BAIAP2: variants seen among roughly 807,000 people sequenced by gnomAD.
The protein encoded by BAIAP2 is BAR/IMD domain containing adaptor protein 2, also known as BAR/IMD domain-containing adapter protein 2.
BAIAP2 carries 18 observed loss-of-function variants against 63.0 expected under a neutral mutation model. The observed-to-expected ratio is 0.29, with a 90% CI of 0.20 to 0.42. BAIAP2 has a LOEUF of 0.42. Ranked by LOEUF, BAIAP2 falls within the 10% of genes least tolerant of loss-of-function variation. BAIAP2 has a pLI of 1.00. For synonymous variants in BAIAP2, 386 were observed against 307.6 expected, an observed-to-expected ratio of 1.25 and a Z score of -2.67; for missense variants, 610 against 734.3, an observed-to-expected ratio of 0.83 and a Z score of 1.96.
intron 4 of BAIAP2, 174 bp from the exon 5 acceptor site, chr17:81,085,478 CCA>C (rs1568137700): frequency 1.4e-6 from 1 of 702,644 alleles, no homozygotes; most frequent in Non-Finnish European, 2.6e-6. Context: ...GCTCCTGGCT[CCA>C]GAGGGTGCAC....
chr17:81,036,852 T>G, intron 1 of BAIAP2: 1 of 1,534,140 alleles, frequency 6.5e-7, no homozygotes, highest in South Asian at 1.2e-5. Context: ...ACGACTTGTT[T>G]GTGATTGCAG....
chr17:81,097,505 C>T (rs766926897), intron 6 of BAIAP2: 4 of 152,328 alleles, frequency 2.6e-5, no homozygotes, highest in African/African-American at 7.2e-5. Flanking sequence ...TGCCCACCCA[C>T]GCTGAGTCAG....
chr17:81,102,505 A>G (rs376932664), intron 7 of BAIAP2, among the ~76,000 whole-genome samples: 2 of 152,230 alleles, frequency 1.3e-5, no homozygotes, highest in East Asian at 3.8e-4. Flanking sequence ...GAGGGCAGCC[A>G]TGAATGAATG....
In BAIAP2 at chr17:81,079,297, C is replaced by T. The variant is rs58686086; in HGVS notation, c.218-5535C>T. ...TGGGCTCCCTGGTCACAGGCAGTCC[C>T]GTGGAGCGGGTTTCACTCTTAGCCT... On this transcript the variant is annotated intron_variant, in intron 3 of 13. Coordinates refer to ENST00000428708, the MANE Select transcript of BAIAP2 (RefSeq NM_001144888.2). Among the ~76,000 whole-genome samples the T allele has an allele frequency of 2.0e-3, 312 of 152,290 alleles. 1 individual carries two copies. The highest frequency in any genetic ancestry group is 7.0e-3 in the African/African-American group (292 of 41,558).
At chr17:81,053,593 C>T (rs1488541483) in intron 1 of BAIAP2, 75 bp from the exon 2 acceptor site, 3 of 1,541,304 alleles carry the variant, frequency 1.9e-6, no homozygotes, top group East Asian at 2.3e-5. Flanking sequence ...GGGTTTTCTC[C>T]TCTGTGTTCG....
At chr17:81,101,211 C>T (rs534102070) in intron 7 of BAIAP2, among the ~76,000 whole-genome samples, 5 of 152,274 alleles carry the variant, frequency 3.3e-5, no homozygotes, top group East Asian at 3.9e-4. Context: ...CCCTGGGATC[C>T]GCCATGTCCC....
At chr17:81,085,379 A>G (rs1364301408) in intron 4 of BAIAP2, 2 of 615,602 alleles carry the variant, frequency 3.2e-6, no homozygotes, top group Admixed American at 2.3e-5. Flanking sequence ...AGCATGGGAC[A>G]GCAGAGGAAG....
intron 3 of BAIAP2, among the ~76,000 whole-genome samples, chr17:81,071,542 C>A (rs1490609308): frequency 1.3e-5 from 2 of 152,230 alleles, no homozygotes; most frequent in East Asian, 3.8e-4. Flanking sequence ...CCCTCTTCCA[C>A]CAGCAGAGAA....
At chr17:81,070,150 G>C (rs916556929) in intron 3 of BAIAP2, among the ~76,000 whole-genome samples, 2 of 152,192 alleles carry the variant, frequency 1.3e-5, no homozygotes, top group African/African-American at 4.8e-5. Flanking sequence ...GTAGAGACAA[G>C]AGCTTGCTTT....
At chr17:81,099,659 A>C (rs1233550960) in intron 6 of BAIAP2, among the ~76,000 whole-genome samples, 1 of 152,072 alleles carries the variant, frequency 6.6e-6, no homozygotes, top group Non-Finnish European at 1.5e-5. Flanking sequence ...CTCCTGCTGG[A>C]GGCAGGACCC....
At position 81,098,711 on chromosome 17, in the gene BAIAP2, C is replaced by T. The variant is rs776939358; in HGVS notation, c.490-1217C>T. Among the ~76,000 whole-genome samples, 120 of 152,336 alleles carry T rather than the reference C, an allele frequency of 7.9e-4. 1 individual carries two copies. The highest frequency in any genetic ancestry group is 3.4e-3 in the Middle Eastern group (1 of 294). ...AGCTTCTGTCGTCTTTGCTGGAACC[C>T]TTTCTGGGCCGACTGTGTGTCCACC... On this transcript the variant is annotated intron_variant, in intron 6 of 13. Transcript: ENST00000428708.
intron 1 of BAIAP2, among the ~76,000 whole-genome samples, chr17:81,047,594 C>CA (rs2048008857): frequency 6.7e-6 from 1 of 150,202 alleles, no homozygotes; most frequent in African/African-American, 2.5e-5. Context: ...ACAGCACACA[C>CA]GGGTCCACGT....
At chr17:81,089,828 C>T (rs2056403974) in intron 6 of BAIAP2, among the ~76,000 whole-genome samples, 1 of 152,178 alleles carries the variant, frequency 6.6e-6, no homozygotes. Context: ...AGGCAGGGCC[C>T]CGAAGCGCAT....
At chr17:81,043,692 C>A (rs56068957) in intron 1 of BAIAP2, among the ~76,000 whole-genome samples, 66,932 of 152,044 alleles carry the variant, frequency 0.44, 15,808 homozygotes, top group Non-Finnish European at 0.55. Flanking sequence ...GTTACTGTTG[C>A]TTCGTGTGCG....
chr17:81,106,598 T>C, intron 11 of BAIAP2, 147 bp from the exon 12 acceptor site: 2 of 895,138 alleles, frequency 2.2e-6, no homozygotes, highest in Non-Finnish European at 1.7e-6. Flanking sequence ...CGGCCCATGG[T>C]CCCCAGGGCT....
chr17:81,042,401 C>T (rs529546186), intron 1 of BAIAP2, among the ~76,000 whole-genome samples: 2 of 152,036 alleles, frequency 1.3e-5, no homozygotes, highest in Admixed American at 6.6e-5. Context: ...AGCAGTCCTC[C>T]CACCTTGGCC....
chr17:81,103,969 C>T lies in BAIAP2; in HGVS notation c.927C>T (p.Asp309=). The T allele has an allele frequency of 6.2e-7, 1 of 1,613,094 alleles. No homozygotes were observed. Among genetic ancestry groups the T allele is most frequent in the East Asian group, 2.2e-5 (1 of 44,882 alleles). Residue 309 remains aspartate, a synonymous_variant, in exon 9 of 14, where the codon GAC becomes GAT. Coordinates refer to ENST00000428708, the MANE Select transcript of BAIAP2 (RefSeq NM_001144888.2). ...MNGVTGPDGE[D]YSPWADRKAA... Reference sequence around the variant, plus strand: ...GCGTCACAGGCCCGGATGGCGAGGACTACAGCCCGTGGGCTGACCGCAAGG... The same window carrying T: ...GCGTCACAGGCCCGGATGGCGAGGATTACAGCCCGTGGGCTGACCGCAAGG...
intron 3 of BAIAP2, chr17:81,076,189 A>G (rs913517631): frequency 1.3e-5 from 2 of 152,190 alleles, no homozygotes; most frequent in East Asian, 3.9e-4. Context: ...CCCTGTTACC[A>G]TCTGCAGCTT....
chr17:81,098,576 A>T (rs1568165515), intron 6 of BAIAP2, among the ~76,000 whole-genome samples: 1 of 151,922 alleles, frequency 6.6e-6, no homozygotes, highest in Non-Finnish European at 1.5e-5. Context: ...TCCCAAACTA[A>T]AGCTCTTAGT....
Sources: allele counts gnomAD v4.1 joint callset (sites outside exome capture counted in the v4.1 genomes callset), GRCh38; gene constraint gnomAD v4.1.1; transcripts MANE v1.5; gene names NCBI Gene and HGNC (gene_info 2026-07-23, HGNC 2026-07-21).